ARHGEF4: variants seen among roughly 807,000 people sequenced by gnomAD.
ARHGEF4 encodes the protein Rho guanine nucleotide exchange factor 4.
A neutral mutation model predicts 162.0 loss-of-function variants in ARHGEF4; 119 were observed. The observed-to-expected ratio is 0.73, with a 90% confidence interval of 0.63 to 0.86. ARHGEF4 has a LOEUF of 0.86. Among genes scored for constraint, ARHGEF4 ranks in the 40% least tolerant of loss-of-function variants. ARHGEF4 has a pLI of 0.00. For missense variants in ARHGEF4, 2,488 were observed against 2,456.0 expected (o/e 1.01, Z -0.28); for synonymous variants, 1,014 against 979.9 (o/e 1.03, Z -0.65).
At chr2:130,852,709 G>A (rs1047869375) in intron 1 of ARHGEF4, among the ~76,000 whole-genome samples, 1 of 152,366 alleles carries the variant, frequency 6.6e-6, no homozygotes, top group Non-Finnish European at 1.5e-5. Context: ...AAGCCGAGCA[G>A]GACTGAGGTG....
intron 1 of ARHGEF4, among the ~76,000 whole-genome samples, chr2:130,899,144 G>A (rs911175587): frequency 1.3e-5 from 2 of 152,080 alleles, no homozygotes; most frequent in African/African-American, 4.8e-5. Context: ...CCCAGCCAGG[G>A]TACTCTCTTT....
At chr2:130,851,534 C>T (rs114520089) in intron 1 of ARHGEF4, among the ~76,000 whole-genome samples, 2,265 of 152,320 alleles carry the variant, frequency 0.015, 50 homozygotes, top group African/African-American at 0.05. Context: ...GCAGGTGCTC[C>T]GGGCCTGAGT....
intron 1 of ARHGEF4, among the ~76,000 whole-genome samples, chr2:130,841,902 C>A (rs955811313): frequency 1.3e-5 from 2 of 152,242 alleles, no homozygotes; most frequent in Non-Finnish European, 2.9e-5. Flanking sequence ...GGCTCTTGGA[C>A]TCCAGCATGG....
At chr2:130,878,776 T>G (rs1292727137) in intron 1 of ARHGEF4, among the ~76,000 whole-genome samples, 1 of 152,242 alleles carries the variant, frequency 6.6e-6, no homozygotes, top group Non-Finnish European at 1.5e-5. Context: ...TTGGGACTAA[T>G]GACACAAAGA....
rs920306271 is a variant in ARHGEF4 at position 130,847,536 on chromosome 2, G to A, written c.39+10544G>A. On this transcript the variant is annotated intron_variant, in intron 1 of 13. Coordinates refer to ENST00000409359, the MANE Select transcript of ARHGEF4 (RefSeq NM_001367493.1). ...TCCTCTCTGTAAGGTGGCTGTGACA[G>A]TCACATGTGCTGACGTTTGTGGAAT... Among the ~76,000 whole-genome samples the A allele has an allele frequency of 5.3e-5, 8 of 152,228 alleles. No individual in the cohort carries two copies. In the South Asian group the frequency reaches 1.0e-3, roughly 20 times the overall value.
intron 1 of ARHGEF4, among the ~76,000 whole-genome samples, chr2:130,848,404 A>G (rs1326233082): frequency 6.6e-6 from 1 of 152,214 alleles, no homozygotes; most frequent in Non-Finnish European, 1.5e-5. Context: ...AGGTCAGGCC[A>G]TGAGCAAGAC....
chr2:130,878,344 C>G (rs1678993694), intron 1 of ARHGEF4, among the ~76,000 whole-genome samples: 2 of 152,094 alleles, frequency 1.3e-5, no homozygotes, highest in African/African-American at 4.8e-5. Context: ...TGGATGCTGT[C>G]AGAAGACATG....
chr2:130,916,638 C>G lies in ARHGEF4; in HGVS notation c.2692C>G (p.Leu898Val). ...PSSESCNAKR[L>V]KTTEKKLRAR... is the part of the protein sequence containing the mutation. ...CTCTGAGAGCTGCAACGCAAAGAGA[C>G]TCAAAACAACGGAGAAAAAACTCAG... Residue 898 changes from leucine to valine, a missense_variant, in exon 2 of 14, where the codon CTC (leucine) becomes GTC (valine). Leu to Val is a conservative substitution (Grantham distance 32, BLOSUM62 1). Around this residue, in one of 6 missense-constraint regions of ARHGEF4, gnomAD observed 1,642 missense variants for 1,481.5 expected, o/e 1.11. Coordinates refer to ENST00000409359, the MANE Select transcript of ARHGEF4 (RefSeq NM_001367493.1). The G allele has an allele frequency of 6.4e-7, 1 of 1,550,596 alleles. No homozygotes were observed. Among genetic ancestry groups the G allele is most frequent in the African/African-American group, 1.4e-5 (1 of 73,182 alleles).
intron 4 of ARHGEF4, among the ~76,000 whole-genome samples, chr2:130,981,316 A>G (rs1406934674): frequency 1.3e-5 from 2 of 152,234 alleles, no homozygotes; most frequent in East Asian, 3.8e-4. Context: ...AAACTAAAAA[A>G]CATCAGTTTT....
intron 3 of ARHGEF4, among the ~76,000 whole-genome samples, chr2:130,937,479 C>G (rs1349091578): frequency 1.3e-5 from 2 of 152,004 alleles, no homozygotes; most frequent in Non-Finnish European, 2.9e-5. Flanking sequence ...TATTGGTATT[C>G]CATTTGATGA....
Position 131,046,277 on chromosome 2 carries a change from C to T in ARHGEF4, c.*88C>T. 7.2e-7 allele frequency: 1 copy of T among 1,382,882 alleles called. No homozygotes were observed. Among genetic ancestry groups the T allele is most frequent in the Non-Finnish European group, 9.9e-7 (1 of 1,014,416 alleles). 85.7% of individuals were successfully genotyped at this position (1,382,882 alleles called of 1,614,324 possible). A position where few individuals can be genotyped will look rare whatever the true frequency, so the allele number is the denominator to read the frequency against. Reference sequence around the variant, plus strand: ...CCGAGGCCCACTCGGCCTGGCCTTCCTCTGCCTGCAAGTGAGCAGGGATGG... The same window carrying T: ...CCGAGGCCCACTCGGCCTGGCCTTCTTCTGCCTGCAAGTGAGCAGGGATGG... On this transcript the variant is annotated 3_prime_UTR_variant, in exon 14 of 14. Coordinates refer to ENST00000409359, the MANE Select transcript of ARHGEF4 (RefSeq NM_001367493.1).
chr2:130,868,129 G>C (rs529202356), intron 1 of ARHGEF4, among the ~76,000 whole-genome samples: 2 of 151,936 alleles, frequency 1.3e-5, no homozygotes, highest in Admixed American at 1.3e-4. Flanking sequence ...GTTTCACCAT[G>C]TTAGCCAGGA....
chr2:130,959,301 A>G, intron 4 of ARHGEF4, among the ~76,000 whole-genome samples: 1 of 152,114 alleles, frequency 6.6e-6, no homozygotes, highest in South Asian at 2.1e-4. Context: ...TGTTCTGCAC[A>G]TAGAAGGTTT....
intron 11 of ARHGEF4, 96 bp from the exon 12 acceptor site, chr2:131,044,203 G>A: frequency 6.6e-7 from 1 of 1,520,790 alleles, no homozygotes; most frequent in Non-Finnish European, 8.9e-7. Flanking sequence ...GGCATCACCA[G>A]CAGCCCCTCC....
At chr2:130,951,981 A>T (rs1683987226) in intron 4 of ARHGEF4, among the ~76,000 whole-genome samples, 1 of 152,186 alleles carries the variant, frequency 6.6e-6, no homozygotes, top group Non-Finnish European at 1.5e-5. Flanking sequence ...GCTGTTATTG[A>T]CATATATTAC....
intron 4 of ARHGEF4, among the ~76,000 whole-genome samples, chr2:131,020,877 C>T (rs1433111748): frequency 4.0e-5 from 6 of 151,772 alleles, no homozygotes; most frequent in Admixed American, 6.6e-5. Context: ...TTTTAATGAT[C>T]GCCATTCTAA....
At chr2:130,876,258 C>A (rs2104945640) in intron 1 of ARHGEF4, among the ~76,000 whole-genome samples, 1 of 152,304 alleles carries the variant, frequency 6.6e-6, no homozygotes, top group Non-Finnish European at 1.5e-5. Context: ...CAGGACGCTG[C>A]CTGACAGGCA....
In ARHGEF4 at chr2:130,847,358, G is replaced by A. The variant is rs555144358; in HGVS notation, c.39+10366G>A. Among the ~76,000 whole-genome samples the A allele has an allele frequency of 3.9e-5, 6 of 152,296 alleles. 1 individual carries two copies. The highest frequency in any genetic ancestry group is 1.4e-4 in the African/African-American group (6 of 41,558). On this transcript the variant is annotated intron_variant, in intron 1 of 13. Transcript: ENST00000409359. ...GCAGAGGAGGCCGGGGGAAATTATT[G>A]AGCCCTCATGGGCACCCAGAGGCAT...
Position 130,915,880 on chromosome 2 carries a change from G to A in ARHGEF4, c.1934G>A (p.Arg645Lys), listed in dbSNP as rs1219510681. 1 of 1,549,480 alleles carries A rather than the reference G, an allele frequency of 6.5e-7. No individual in the cohort carries two copies. The highest frequency in any genetic ancestry group is 1.2e-5 in the South Asian group (1 of 83,754). The part of the protein sequence containing the change: ...AVEQKGLQAS[R>K]SNAGPVPETL... The stretch of plus-strand genomic sequence containing the variant: ...GAGCAGAAAGGTCTTCAGGCCAGCA[G>A]GAGCAATGCGGGGCCTGTTCCAGAA... The change falls in exon 2 of 14, where the codon AGG (arginine) becomes AAG (lysine). Residue 645 changes from arginine (R) to lysine (K), a missense_variant. Arg to Lys is a conservative substitution (Grantham distance 26, BLOSUM62 2). Coordinates refer to ENST00000409359, the MANE Select transcript of ARHGEF4 (RefSeq NM_001367493.1).
Sources: gnomAD v4.1 joint callset for allele counts (sites outside exome capture counted in the v4.1 genomes callset) on GRCh38, gnomAD v4.1.1 for gene constraint, gnomAD v4.1.1 regional missense constraint, MANE v1.5 for transcripts, NCBI Gene and HGNC (gene_info 2026-07-23, HGNC 2026-07-21) for gene names.